The following MAPK4 variants were observed in gnomAD, a reference collection of about 807,000 sequenced individuals.
MAPK4 encodes the protein mitogen-activated protein kinase 4.
In MAPK4, 22 loss-of-function variants were observed where a neutral mutation model predicts 47.7. The ratio of observed to expected loss-of-function variants is 0.46; its 90% CI spans 0.33 to 0.66. The LOEUF (loss-of-function observed/expected upper bound fraction) is 0.66, where lower values mean the gene tolerates loss of function less well. Ranked by LOEUF, MAPK4 falls within the 30% of genes least tolerant of loss-of-function variation. The pLI is 0.02. For synonymous variants in MAPK4, 390 were observed against 365.7 expected, an observed-to-expected ratio of 1.07 and a Z score of -0.76; for missense variants, 736 against 831.7, an observed-to-expected ratio of 0.88 and a Z score of 1.42.
chr18:50,588,888 G>A (rs2042410991), intron 1 of MAPK4, among the ~76,000 whole-genome samples: 1 of 152,208 alleles, frequency 6.6e-6, no homozygotes, highest in Non-Finnish European at 1.5e-5. Flanking sequence ...GAGGGGAGAT[G>A]TGAACATACG....
At chr18:50,677,529 G>A (rs891060640) in intron 2 of MAPK4, among the ~76,000 whole-genome samples, 3 of 151,904 alleles carry the variant, frequency 2.0e-5, no homozygotes, top group Admixed American at 6.6e-5. Flanking sequence ...CTGCTCTGAG[G>A]TGCCCACTGT....
intron 2 of MAPK4, among the ~76,000 whole-genome samples, chr18:50,665,591 A>C (rs1483706201): frequency 6.6e-6 from 1 of 152,096 alleles, no homozygotes; most frequent in Non-Finnish European, 1.5e-5. Flanking sequence ...GCCCTCCTTT[A>C]GCACCCCCAC....
Position 50,729,638 on chromosome 18 carries a change from C to A in MAPK4, c.1548C>A (p.Arg516=). The A allele has an allele frequency of 6.7e-7, 1 of 1,483,272 alleles. No homozygotes were observed. The highest frequency in any genetic ancestry group is 9.0e-7 in the Non-Finnish European group (1 of 1,114,634). The allele number at this position is 1,483,272 out of a possible 1,614,324, so 91.9% of individuals were successfully genotyped here. The change falls in exon 6 of 6, where the codon CGC becomes CGA. Residue 516 remains arginine (R), a synonymous_variant. Transcript: ENST00000400384. ...HASPPADDPE[R]RLSASPPGRP... is the part of the protein sequence containing the mutation. ...GCCCGCCCGCCGACGACCCCGAGCG[C>A]CGCTTGTCTGCCTCGCCCCCCGGCC...
intron 2 of MAPK4, among the ~76,000 whole-genome samples, chr18:50,675,168 C>T (rs897276158): frequency 6.6e-6 from 1 of 152,204 alleles, no homozygotes; most frequent in African/African-American, 2.4e-5. Flanking sequence ...TGGTCAATGG[C>T]AGCGTTGGAC....
At chr18:50,640,382 CA>C (rs34039185) in intron 1 of MAPK4, among the ~76,000 whole-genome samples, 1,592 of 128,832 alleles carry the variant, frequency 0.012, 17 homozygotes, top group South Asian at 0.044. Flanking sequence ...TTCTTGTTTA[CA>C]AAAAAAAAAA....
intron 1 of MAPK4, among the ~76,000 whole-genome samples, chr18:50,655,233 C>T (rs1057120816): frequency 6.6e-6 from 1 of 152,202 alleles, no homozygotes; most frequent in Non-Finnish European, 1.5e-5. Context: ...GGAGAAGGCT[C>T]ACCTGAGGCC....
chr18:50,681,179 A>G (rs1300842942), intron 2 of MAPK4, among the ~76,000 whole-genome samples: 2 of 152,062 alleles, frequency 1.3e-5, no homozygotes, highest in African/African-American at 4.8e-5. Context: ...ACATCTTTTC[A>G]TGTGCTAATT....
At chr18:50,710,476 C>A (rs1351185493) in intron 2 of MAPK4, among the ~76,000 whole-genome samples, 1 of 151,490 alleles carries the variant, frequency 6.6e-6, no homozygotes, top group Non-Finnish European at 1.5e-5. Flanking sequence ...GAGCGAGACC[C>A]TATCTCAAAT....
chr18:50,729,664 G>A lies in MAPK4; in HGVS notation c.1574G>A (p.Arg525His), dbSNP rs796234051. Residue 525 changes from arginine to histidine, a missense_variant, in exon 6 of 6, where the codon CGC becomes CAC. Around this residue, in one of 3 missense-constraint regions of MAPK4, gnomAD observed 377 missense variants for 378.6 expected, o/e 1.00. Transcript: ENST00000400384. ...CGCTTGTCTGCCTCGCCCCCCGGCC[G>A]CCCGGCCCCGGTGGACGGCGGCGCC... is the stretch of plus-strand genomic sequence containing the variant. ...ERRLSASPPG[R>H]PAPVDGGASP... 2.6e-6 allele frequency: 4 copies of A among 1,516,438 alleles called. No homozygotes were observed. The highest frequency in any genetic ancestry group is 2.5e-5 in the East Asian group (1 of 39,406). 93.9% of individuals were successfully genotyped at this position (1,516,438 alleles called of 1,614,324 possible). A position where few individuals can be genotyped will look rare whatever the true frequency, so the allele number is the denominator to read the frequency against.
chr18:50,701,712 A>G (rs1909794650), intron 2 of MAPK4, among the ~76,000 whole-genome samples: 1 of 152,204 alleles, frequency 6.6e-6, no homozygotes, highest in Non-Finnish European at 1.5e-5. Context: ...GAGTGTCGTT[A>G]ATTCAAAGAG....
chr18:50,645,043 CAGA>C (rs1366219928), intron 1 of MAPK4, among the ~76,000 whole-genome samples: 2 of 152,106 alleles, frequency 1.3e-5, no homozygotes, highest in Admixed American at 6.5e-5. Flanking sequence ...TGAGGGAGAG[CAGA>C]AGGAGAGGCC....
chr18:50,591,541 T>C (rs1401312150), intron 1 of MAPK4, among the ~76,000 whole-genome samples: 1 of 150,514 alleles, frequency 6.6e-6, no homozygotes, highest in Non-Finnish European at 1.5e-5. Context: ...TTTATTCATC[T>C]AGTGTGGCCG....
intron 1 of MAPK4, among the ~76,000 whole-genome samples, chr18:50,631,259 G>T (rs796090356): frequency 6.6e-6 from 1 of 152,042 alleles, no homozygotes; most frequent in Admixed American, 6.5e-5. Context: ...TAAGCATAGC[G>T]CTGAGGTGCT....
At chr18:50,575,527 G>C (rs1462249557) in intron 1 of MAPK4, among the ~76,000 whole-genome samples, 1 of 151,976 alleles carries the variant, frequency 6.6e-6, no homozygotes, top group African/African-American at 2.4e-5. Context: ...CCAAAGGAGA[G>C]ACAGCAAAAG....
At chr18:50,707,815 T>C (rs939509855) in intron 2 of MAPK4, among the ~76,000 whole-genome samples, 2 of 152,168 alleles carry the variant, frequency 1.3e-5, no homozygotes, top group Non-Finnish European at 2.9e-5. Flanking sequence ...TGGGAATTTA[T>C]ATGAGCTTTT....
At chr18:50,684,133 T>C (rs1251627461) in intron 2 of MAPK4, among the ~76,000 whole-genome samples, 1 of 152,200 alleles carries the variant, frequency 6.6e-6, no homozygotes, top group Non-Finnish European at 1.5e-5. Context: ...GGCTGCCCTG[T>C]TGCTAGAGCA....
At chr18:50,606,421 A>G (rs1016153093) in intron 1 of MAPK4, among the ~76,000 whole-genome samples, 2 of 152,200 alleles carry the variant, frequency 1.3e-5, no homozygotes, top group African/African-American at 4.8e-5. Flanking sequence ...AGATTAGCCT[A>G]GCAATGTTAC....
intron 3 of MAPK4, among the ~76,000 whole-genome samples, chr18:50,717,747 T>C (rs1910716718): frequency 1.3e-5 from 2 of 152,150 alleles, no homozygotes; most frequent in African/African-American, 4.8e-5. Context: ...GAGCCGACAA[T>C]CTCAGTTGCT....
At chr18:50,614,142 CAT>C (rs2042663512) in intron 1 of MAPK4, among the ~76,000 whole-genome samples, 1 of 152,082 alleles carries the variant, frequency 6.6e-6, no homozygotes, top group African/African-American at 2.4e-5. Context: ...GAAACAATAA[CAT>C]ATACATATAA....
Sources: allele counts gnomAD v4.1 joint callset (sites outside exome capture counted in the v4.1 genomes callset), GRCh38; gene constraint gnomAD v4.1.1; regional missense constraint gnomAD v4.1.1; transcripts MANE v1.5; gene names NCBI Gene and HGNC (gene_info 2026-07-23, HGNC 2026-07-21).